The following ARHGEF10 variants were observed in gnomAD, a reference collection of about 807,000 sequenced individuals.
ARHGEF10 encodes Rho guanine nucleotide exchange factor 10, also known as Rho guanine nucleotide exchange factor (GEF) 10.
A neutral mutation model predicts 147.4 loss-of-function variants in ARHGEF10; 140 were observed. That is an observed-to-expected ratio of 0.95 (90% CI 0.83 to 1.09). The LOEUF (loss-of-function observed/expected upper bound fraction) is 1.09. Among genes scored for constraint, ARHGEF10 ranks in the 50% least tolerant of loss-of-function variants. The pLI is 0.00. For missense variants in ARHGEF10, 2,222 were observed against 1,752.7 expected, an observed-to-expected ratio of 1.27 and a Z score of -4.78; for synonymous variants, 902 against 695.8, an observed-to-expected ratio of 1.30 and a Z score of -4.67.
intron 24 of ARHGEF10, among the ~76,000 whole-genome samples, 180 bp downstream of exon 24, chr8:1,928,830 C>G (rs1391531546): frequency 2.0e-5 from 3 of 151,962 alleles, no homozygotes; most frequent in Non-Finnish European, 4.4e-5. Flanking sequence ...TGAATTGGGC[C>G]CATGGAAATT....
Position 1,876,644 on chromosome 8 carries a change from G to A in ARHGEF10, c.753G>A (p.Ser251=), listed in dbSNP as rs756210812. 1 of 1,614,098 alleles carries A rather than the reference G, an allele frequency of 6.2e-7. No individual in the cohort carries two copies. Among genetic ancestry groups the A allele is most frequent in the African/African-American group, 1.3e-5 (1 of 74,942 alleles). ...GCTCCTTGGAATACGGATGGAGTTC[G>A]AGTGAATTTGAAAGTTACGAAGAGC... The part of the protein sequence containing the change: ...GNSSLEYGWS[S]SEFESYEEQS... Residue 251 remains serine, a synonymous_variant, in exon 8 of 29, where the codon TCG becomes TCA. Coordinates refer to ENST00000349830, the MANE Select transcript of ARHGEF10 (RefSeq NM_014629.4).
chr8:1,843,222 G>C (rs1804228530), intron 1 of ARHGEF10, 131 bp from the exon 2 acceptor site: 1 of 686,962 alleles, frequency 1.5e-6, no homozygotes, highest in South Asian at 1.6e-5. Context: ...TAGGTGGTGA[G>C]TCTTCTAATT....
intron 28 of ARHGEF10, among the ~76,000 whole-genome samples, chr8:1,954,101 T>A (rs934174730): frequency 2.8e-4 from 43 of 152,292 alleles, no homozygotes; most frequent in African/African-American, 9.6e-4. Flanking sequence ...CAATTTTTTT[T>A]TTTTCTTTTT....
At chr8:1,869,006 A>C (rs1049559579) in intron 6 of ARHGEF10, among the ~76,000 whole-genome samples, 188 bp from the exon 7 acceptor site, 1 of 152,124 alleles carries the variant, frequency 6.6e-6, no homozygotes, top group Non-Finnish European at 1.5e-5. Flanking sequence ...GCTGTTAGCT[A>C]CCTTACAGCC....
At chr8:1,838,073 A>T (rs1207777104) in intron 1 of ARHGEF10, among the ~76,000 whole-genome samples, 1 of 152,088 alleles carries the variant, frequency 6.6e-6, no homozygotes, top group African/African-American at 2.4e-5. Context: ...CGTATGGTGG[A>T]TGCGTCTTTG....
chr8:1,862,422 G>A (rs1205527836), intron 4 of ARHGEF10, among the ~76,000 whole-genome samples: 2 of 152,274 alleles, frequency 1.3e-5, no homozygotes, highest in Non-Finnish European at 2.9e-5. Context: ...TCCTGCTCTT[G>A]TTTACGCACG....
intron 9 of ARHGEF10, among the ~76,000 whole-genome samples, chr8:1,881,211 C>T (rs1808164830): frequency 6.6e-6 from 1 of 152,164 alleles, no homozygotes; most frequent in African/African-American, 2.4e-5. Context: ...TGAGAACACC[C>T]CTGTGTCAGC....
At chr8:1,875,413 T>C (rs1363251756) in intron 7 of ARHGEF10, among the ~76,000 whole-genome samples, 1 of 152,106 alleles carries the variant, frequency 6.6e-6, no homozygotes, top group African/African-American at 2.4e-5. Context: ...CTCTTGGCTC[T>C]TGGGCATGTG....
intron 10 of ARHGEF10, among the ~76,000 whole-genome samples, chr8:1,884,398 GAAA>G (rs71528660): frequency 4.4e-5 from 6 of 137,802 alleles, no homozygotes; most frequent in Admixed American, 7.2e-5. Context: ...TCCATCTCAA[GAAA>G]AAAAAAAAAA....
In ARHGEF10 at chr8:1,903,637, T is replaced by G. The variant is rs1810661481; in HGVS notation, c.1821+186T>G. On this transcript the variant is annotated intron_variant, in intron 16 of 28. Coordinates refer to ENST00000349830, the MANE Select transcript of ARHGEF10 (RefSeq NM_014629.4). ...CAATGTGGAAATTGTATGTAAAACC[T>G]TAACAGCCTGTCTTAACAGCATTTT... is the stretch of plus-strand genomic sequence containing the variant. 8.7e-6 allele frequency: 6 copies of G among 690,060 alleles called. No individual in the cohort carries two copies. The East Asian group carries it at 1.6e-4, about 19-fold the overall frequency. 42.7% of individuals were successfully genotyped at this position (690,060 alleles called of 1,614,324 possible).
rs1274335692 is a variant in ARHGEF10, at chr8:1,836,204, AAAC to A, written c.-47-7147_-47-7145del. On this transcript the variant is annotated intron_variant, in intron 1 of 28. Transcript: ENST00000349830. ...ATGGAAAAAAAAAAAAGAAAAAAAA[AAAC>A]ACAATCCAAATGCACAATGAAATCT... 5.3e-5 allele frequency among the ~76,000 whole-genome samples: 8 copies of A among 151,876 alleles called. No homozygotes were observed. The East Asian group carries it at 1.5e-3, about 29-fold the overall frequency.
At chr8:1,885,022 C>A (rs960804612) in intron 10 of ARHGEF10, among the ~76,000 whole-genome samples, 5 of 152,172 alleles carry the variant, frequency 3.3e-5, no homozygotes, top group Admixed American at 6.5e-5. Flanking sequence ...ATCTCGGTCT[C>A]CCAAAGTGCT....
At chr8:1,886,234 G>C (rs1808645643) in intron 11 of ARHGEF10, among the ~76,000 whole-genome samples, 1 of 152,212 alleles carries the variant, frequency 6.6e-6, no homozygotes, top group Non-Finnish European at 1.5e-5. Flanking sequence ...GAGAAAACTT[G>C]AGGAACCAGA....
intron 26 of ARHGEF10, among the ~76,000 whole-genome samples, chr8:1,944,116 G>A (rs11136446): frequency 2.8e-5 from 2 of 72,372 alleles, no homozygotes; most frequent in African/African-American, 4.1e-5. Flanking sequence ...GCACTGTGTC[G>A]CCTCCCCCAG....
chr8:1,894,550 T>C lies in ARHGEF10; in HGVS notation c.1418T>C (p.Ile473Thr), dbSNP rs769669572. 1.2e-6 allele frequency: 2 copies of C among 1,614,044 alleles called. No homozygotes were observed. Among genetic ancestry groups the C allele is most frequent in the Non-Finnish European group, 8.5e-7 (1 of 1,180,010 alleles). ...TCCGAGTGGGACTCCGTGGAAATGA[T>C]AGGCGATGTCTTCGTGGCTTCGGTA... ...RVSEWDSVEM[I>T]GDVFVASFSK... Residue 473 changes from isoleucine to threonine, a missense_variant, in exon 13 of 29, where the codon ATA becomes ACA. Transcript: ENST00000349830.
chr8:1,901,251 G>GT (rs1810432711), intron 15 of ARHGEF10, among the ~76,000 whole-genome samples: 1 of 152,174 alleles, frequency 6.6e-6, no homozygotes, highest in African/African-American at 2.4e-5. Context: ...TGTGCTGAGT[G>GT]TAGGTGGATG....
At chr8:1,836,038 A>G (rs12155750) in intron 1 of ARHGEF10, among the ~76,000 whole-genome samples, 25,175 of 151,814 alleles carry the variant, frequency 0.17, 2,510 homozygotes, top group African/African-American at 0.26. Context: ...AAAATTAGCC[A>G]GGCGTGGTGG....
At chr8:1,861,090 G>A (rs556826685) in intron 4 of ARHGEF10, among the ~76,000 whole-genome samples, 9 of 152,316 alleles carry the variant, frequency 5.9e-5, no homozygotes, top group Non-Finnish European at 7.4e-5. Context: ...GGGTGCCCTC[G>A]TGGGTGCCTC....
intron 1 of ARHGEF10, among the ~76,000 whole-genome samples, chr8:1,831,293 G>A (rs1242136565): frequency 6.9e-6 from 1 of 145,368 alleles, no homozygotes; most frequent in African/African-American, 2.5e-5. Flanking sequence ...GCTGTGGAGG[G>A]ACAGTGTGAC....
Sources: gnomAD v4.1 joint callset for allele counts (sites outside exome capture counted in the v4.1 genomes callset) on GRCh38, gnomAD v4.1.1 for gene constraint, MANE v1.5 for transcripts, NCBI Gene and HGNC (gene_info 2026-07-23, HGNC 2026-07-21) for gene names.